SLC13A4: variants seen among roughly 807,000 people sequenced by gnomAD.
SLC13A4 encodes the protein Na(+)/sulfate cotransporter SUT-1.
SLC13A4 carries 28 observed loss-of-function variants against 72.7 expected under a neutral mutation model. That is an observed-to-expected ratio of 0.39 (90% CI 0.29 to 0.53). SLC13A4 has a LOEUF of 0.53. SLC13A4 is among the 20% of genes least tolerant of loss of function. The probability of loss-of-function intolerance (pLI) is 0.78; values close to 1 mark genes in which losing one functional copy is unlikely to be tolerated. For synonymous variants in SLC13A4, 312 were observed against 325.5 expected, an observed-to-expected ratio of 0.96 and a Z score of 0.45; for missense variants, 653 against 788.0, an observed-to-expected ratio of 0.83 and a Z score of 2.05.
chr7:135,719,799 GTGTA>G (rs1252491134), intron 2 of SLC13A4, among the ~76,000 whole-genome samples: 40 of 139,236 alleles, frequency 2.9e-4, no homozygotes, highest in African/African-American at 1.2e-3. Context: ...GTGTGTGTGT[GTGTA>G]TGTGTGTGTG....
Position 135,706,192 on chromosome 7 carries a change from C to T in SLC13A4, c.474G>A (p.Leu158=). The change falls in exon 4 of 16, where the codon CTG becomes CTA. Residue 158 remains leucine, a synonymous_variant. Coordinates refer to ENST00000682651, the MANE Select transcript of SLC13A4 (RefSeq NM_001318192.2). ...CGAGCTGCTCGTCCTCAGCACTGAC[C>T]AGCTCCTGCAGCACGGCCTCCACGA... ...MPIVEAVLQE[L]VSAEDEQLVA... 6.2e-7 allele frequency: 1 copy of T among 1,613,966 alleles called. No individual in the cohort carries two copies. Among genetic ancestry groups the T allele is most frequent in the Non-Finnish European group, 8.5e-7 (1 of 1,179,842 alleles).
chr7:135,711,874 C>A (rs1161477372), intron 2 of SLC13A4, among the ~76,000 whole-genome samples: 1 of 151,116 alleles, frequency 6.6e-6, no homozygotes, highest in East Asian at 1.9e-4. Context: ...TCTCCTGCCT[C>A]AGCCTCCCAA....
intron 13 of SLC13A4, among the ~76,000 whole-genome samples, chr7:135,688,210 A>AGGTGAT (rs1795684890): frequency 6.6e-6 from 1 of 151,856 alleles, no homozygotes; most frequent in Admixed American, 6.6e-5. Flanking sequence ...TCCTGATCTC[A>AGGTGAT]GGTGATCCAC....
chr7:135,683,917 G>T (rs561977949), intron 15 of SLC13A4: 5 of 609,398 alleles, frequency 8.2e-6, no homozygotes, highest in African/African-American at 8.0e-5. Context: ...TTCCAGGGAA[G>T]GGTTGGGGAG....
chr7:135,694,366 C>T, intron 9 of SLC13A4, 128 bp from the exon 10 acceptor site: 1 of 622,634 alleles, frequency 1.6e-6, no homozygotes, highest in Non-Finnish European at 2.8e-6. Context: ...TGCTCTATCC[C>T]TCTATCCCCC....
intron 1 of SLC13A4, among the ~76,000 whole-genome samples, chr7:135,721,946 G>T (rs930087195): frequency 6.6e-6 from 1 of 152,164 alleles, no homozygotes; most frequent in Non-Finnish European, 1.5e-5. Context: ...TTGGAGATAG[G>T]AATCACTATG....
intron 2 of SLC13A4, among the ~76,000 whole-genome samples, chr7:135,709,535 G>C (rs1796250154): frequency 6.6e-6 from 1 of 151,730 alleles, no homozygotes; most frequent in Admixed American, 6.6e-5. Context: ...TATTTTCTAC[G>C]AGTAGGGATT....
At chr7:135,722,998 T>C (rs531944969) in intron 1 of SLC13A4, among the ~76,000 whole-genome samples, 4 of 152,318 alleles carry the variant, frequency 2.6e-5, no homozygotes, top group African/African-American at 9.6e-5. Flanking sequence ...GGCTGTCCTG[T>C]GCACTGTAAA....
chr7:135,690,180 CAAAAAA>C (rs57390577), intron 13 of SLC13A4, among the ~76,000 whole-genome samples: 4 of 29,610 alleles, frequency 1.4e-4, no homozygotes, highest in East Asian at 1.2e-3. Flanking sequence ...GACTCTGTCT[CAAAAAA>C]AAAAAAAAAA....
chr7:135,685,712 A>G, intron 13 of SLC13A4, 29 bp from the exon 14 acceptor site: 2 of 1,588,232 alleles, frequency 1.3e-6, no homozygotes, highest in Non-Finnish European at 1.7e-6. Context: ...CAGTAAGAAG[A>G]AAGGAGAAGA....
At chr7:135,724,560 C>T (rs1319867299) in intron 1 of SLC13A4, among the ~76,000 whole-genome samples, 1 of 151,548 alleles carries the variant, frequency 6.6e-6, no homozygotes. Context: ...AGGACTTTCC[C>T]TCTGCCAGGT....
intron 15 of SLC13A4, 45 bp downstream of exon 15, chr7:135,684,079 C>A: frequency 6.4e-7 from 1 of 1,553,740 alleles, no homozygotes; most frequent in South Asian, 1.2e-5. Flanking sequence ...TCATCCCTGT[C>A]CTCATGGCAG....
intron 2 of SLC13A4, among the ~76,000 whole-genome samples, chr7:135,717,196 C>G (rs1445024797): frequency 6.6e-6 from 1 of 152,236 alleles, no homozygotes; most frequent in Non-Finnish European, 1.5e-5. Context: ...GCTGTTCACC[C>G]AGCCCTCAAG....
intron 2 of SLC13A4, among the ~76,000 whole-genome samples, chr7:135,715,468 AGT>A (rs144158091): frequency 2.0e-4 from 30 of 147,418 alleles, no homozygotes; most frequent in East Asian, 1.4e-3. Context: ...AGTGCATATG[AGT>A]GTGTGTATGT....
At chr7:135,718,644 G>T (rs1434146157) in intron 2 of SLC13A4, among the ~76,000 whole-genome samples, 1 of 152,164 alleles carries the variant, frequency 6.6e-6, no homozygotes, top group Non-Finnish European at 1.5e-5. Flanking sequence ...CATTGGAAGG[G>T]CTTCACCAAA....
intron 2 of SLC13A4, among the ~76,000 whole-genome samples, chr7:135,714,888 G>A (rs1420936891): frequency 2.0e-5 from 3 of 152,238 alleles, no homozygotes; most frequent in Non-Finnish European, 4.4e-5. Flanking sequence ...GGAGCTGGAA[G>A]CTGAGTGACA....
intron 1 of SLC13A4, among the ~76,000 whole-genome samples, chr7:135,722,519 C>T (rs944497786): frequency 6.6e-6 from 1 of 151,956 alleles, no homozygotes; most frequent in South Asian, 2.1e-4. Context: ...TCTGGACCCC[C>T]TCTCCAGCCT....
At chr7:135,694,272 AAC>A in intron 9 of SLC13A4, 34 bp from the exon 10 acceptor site, 1 of 1,326,378 alleles carries the variant, frequency 7.5e-7, no homozygotes, top group South Asian at 1.2e-5. Flanking sequence ...GATTAAAGAA[AAC>A]ACACTTCTGA....
chr7:135,689,200 A>T (rs184086263), intron 13 of SLC13A4, among the ~76,000 whole-genome samples: 393 of 152,288 alleles, frequency 2.6e-3, no homozygotes, highest in Middle Eastern at 0.02. Context: ...GGTTAAAAAA[A>T]AAAATAAAAT....
Sources: allele counts gnomAD v4.1 joint callset (sites outside exome capture counted in the v4.1 genomes callset), GRCh38; gene constraint gnomAD v4.1.1; transcripts MANE v1.5; gene names NCBI Gene and HGNC (gene_info 2026-07-23, HGNC 2026-07-21).